The following SORCS2 variants were observed in gnomAD, a reference collection of about 807,000 sequenced individuals.
The protein encoded by SORCS2 is VPS10 domain-containing receptor SorCS2.
In SORCS2, 100 loss-of-function variants were observed where a neutral mutation model predicts 141.6. That is an observed-to-expected ratio of 0.71 (90% CI 0.60 to 0.83). The LOEUF (loss-of-function observed/expected upper bound fraction) is 0.83. Ranked by LOEUF, SORCS2 falls within the 40% of genes least tolerant of loss-of-function variation. SORCS2 has a pLI of 0.00. For missense variants in SORCS2, 1,646 were observed against 1,560.2 expected (o/e 1.05, Z -0.93); for synonymous variants, 789 against 676.9 (o/e 1.17, Z -2.57).
intron 2 of SORCS2, among the ~76,000 whole-genome samples, chr4:7,521,372 C>A (rs1203164369): frequency 1.3e-5 from 2 of 152,190 alleles, no homozygotes; most frequent in Non-Finnish European, 2.9e-5. Context: ...CACTTCCTTC[C>A]CCTCTGTTCA....
At chr4:7,524,951 C>T (rs1733576827) in intron 2 of SORCS2, among the ~76,000 whole-genome samples, 1 of 152,206 alleles carries the variant, frequency 6.6e-6, no homozygotes, top group African/African-American at 2.4e-5. Flanking sequence ...CCCCGAGCAC[C>T]CCTGGTCTGC....
intron 3 of SORCS2, among the ~76,000 whole-genome samples, chr4:7,538,779 C>T (rs1712335178): frequency 6.6e-6 from 1 of 152,190 alleles, no homozygotes; most frequent in East Asian, 1.9e-4. Context: ...TCCGCTCACT[C>T]GCCCGTGTCT....
chr4:7,365,634 G>A lies in SORCS2; in HGVS notation c.481-30654G>A, dbSNP rs75693093. ...CAGTGTGGAATAAGAGACACCGCCC[G>A]CCTGCCCGCCCAACAGCTGCTGACA... On this transcript the variant is annotated intron_variant, in intron 1 of 26. Coordinates refer to ENST00000507866, the MANE Select transcript of SORCS2 (RefSeq NM_020777.3). Among the ~76,000 whole-genome samples the A allele has an allele frequency of 9.1e-4, 138 of 152,276 alleles. No individual in the cohort carries two copies. The East Asian group carries it at 0.02, about 22-fold the overall frequency.
At chr4:7,370,619 C>T (rs749349278) in intron 1 of SORCS2, among the ~76,000 whole-genome samples, 13 of 152,262 alleles carry the variant, frequency 8.5e-5, no homozygotes, top group Non-Finnish European at 1.8e-4. Flanking sequence ...CGTTGCCCAT[C>T]ATCCTTGTGG....
At chr4:7,293,605 T>A (rs1716758529) in intron 1 of SORCS2, among the ~76,000 whole-genome samples, 1 of 152,104 alleles carries the variant, frequency 6.6e-6, no homozygotes, top group Non-Finnish European at 1.5e-5. Flanking sequence ...TAGTGAATGG[T>A]TTTGGGGAAC....
At chr4:7,331,120 G>T (rs560845103) in intron 1 of SORCS2, among the ~76,000 whole-genome samples, 1 of 152,288 alleles carries the variant, frequency 6.6e-6, no homozygotes, top group East Asian at 1.9e-4. Flanking sequence ...GAGGCTGGGG[G>T]TGGGGACAGG....
intron 3 of SORCS2, among the ~76,000 whole-genome samples, chr4:7,551,312 G>T (rs1334397115): frequency 6.6e-6 from 1 of 152,120 alleles, no homozygotes; most frequent in Non-Finnish European, 1.5e-5. Context: ...TGGTTCATCA[G>T]ACATTTCCTG....
chr4:7,717,432 AC>A (rs1458172587), intron 17 of SORCS2, among the ~76,000 whole-genome samples: 1 of 151,998 alleles, frequency 6.6e-6, no homozygotes, highest in East Asian at 1.9e-4. Flanking sequence ...GCATGCGATC[AC>A]CCCCATTCCC....
At chr4:7,357,776 G>A (rs1721342740) in intron 1 of SORCS2, among the ~76,000 whole-genome samples, 1 of 152,170 alleles carries the variant, frequency 6.6e-6, no homozygotes. Flanking sequence ...CTGGGGTGGG[G>A]GGAGGTTTCT....
At chr4:7,283,223 T>C (rs1716002448) in intron 1 of SORCS2, among the ~76,000 whole-genome samples, 1 of 152,182 alleles carries the variant, frequency 6.6e-6, no homozygotes, top group South Asian at 2.1e-4. Flanking sequence ...TGAGCATGCA[T>C]GTGTGATATG....
At chr4:7,434,616 C>T (rs766108144) in intron 2 of SORCS2, 2 of 1,613,406 alleles carry the variant, frequency 1.2e-6, no homozygotes, top group Non-Finnish European at 1.7e-6. Context: ...TCACCAAAGC[C>T]AGGATGTCAG....
At chr4:7,724,720 G>GTGGGAATGGATGGTGGTGGTGATAGTAT (rs1727007300) in intron 19 of SORCS2, among the ~76,000 whole-genome samples, 1 of 123,534 alleles carries the variant, frequency 8.1e-6, no homozygotes, top group African/African-American at 3.3e-5. Flanking sequence ...GATAGTATTG[G>GTGGGAATGGATGGTGGTGGTGATAGTAT]TGGGAATGGA....
chr4:7,433,424 G>A, intron 2 of SORCS2: 2 of 1,514,858 alleles, frequency 1.3e-6, no homozygotes, highest in Middle Eastern at 3.6e-4. Flanking sequence ...CAGAAGCTTG[G>A]GCCCAGGGCA....
At chr4:7,512,248 C>T (rs761967245) in intron 2 of SORCS2, among the ~76,000 whole-genome samples, 22 of 151,814 alleles carry the variant, frequency 1.4e-4, no homozygotes, top group South Asian at 8.4e-4. Context: ...TCTCTGTGGC[C>T]GCATCTCGAA....
In SORCS2 at chr4:7,328,512, A is replaced by AG. The variant is rs542198101; in HGVS notation, c.481-67773dup. ...AGATCTGCACAGGTTTGTTTTAGTG[A>AG]GGGCTCCTTGAGGGCTGCCCAGGTA... On this transcript the variant is annotated intron_variant, in intron 1 of 26. Coordinates refer to ENST00000507866, the MANE Select transcript of SORCS2 (RefSeq NM_020777.3). 3.3e-5 allele frequency among the ~76,000 whole-genome samples: 5 copies of AG among 152,048 alleles called. No homozygotes were observed. The South Asian group carries it at 1.0e-3, about 32-fold the overall frequency.
intron 1 of SORCS2, among the ~76,000 whole-genome samples, chr4:7,337,188 C>T (rs1720040222): frequency 6.6e-6 from 1 of 152,136 alleles, no homozygotes; most frequent in Non-Finnish European, 1.5e-5. Flanking sequence ...AGAGTGAATC[C>T]ATTCACTGAT....
chr4:7,658,069 G>A (rs1721918908), intron 5 of SORCS2, among the ~76,000 whole-genome samples: 2 of 151,850 alleles, frequency 1.3e-5, no homozygotes, highest in African/African-American at 4.8e-5. Flanking sequence ...TTGAGCAAAT[G>A]AGTGACTGAG....
intron 1 of SORCS2, among the ~76,000 whole-genome samples, chr4:7,231,463 C>G (rs1711877649): frequency 6.6e-6 from 1 of 152,230 alleles, no homozygotes; most frequent in African/African-American, 2.4e-5. Flanking sequence ...ACCATCACAC[C>G]TGGTAATACC....
intron 2 of SORCS2, among the ~76,000 whole-genome samples, chr4:7,527,009 G>A (rs1039416196): frequency 5.9e-5 from 9 of 152,264 alleles, no homozygotes; most frequent in Admixed American, 4.6e-4. Context: ...ATCTCCATTC[G>A]AATGAATTCA....
Sources: gnomAD v4.1 joint callset for allele counts (sites outside exome capture counted in the v4.1 genomes callset) on GRCh38, gnomAD v4.1.1 for gene constraint, MANE v1.5 for transcripts, NCBI Gene and HGNC (gene_info 2026-07-23, HGNC 2026-07-21) for gene names.